RBMS3: variants seen among roughly 807,000 people sequenced by gnomAD.
The protein encoded by RBMS3 is RNA binding motif single stranded interacting protein 3, also known as RNA-binding motif, single-stranded-interacting protein 3.
In RBMS3, 27 loss-of-function variants were observed where a neutral mutation model predicts 66.8. That is an observed-to-expected ratio of 0.40 (90% CI 0.30 to 0.56). The LOEUF is 0.56. RBMS3 is among the 20% of genes least tolerant of loss of function. The pLI, the probability that RBMS3 is intolerant of heterozygous loss-of-function variation, is 0.40. For missense variants in RBMS3, 513 were observed against 549.5 expected, an observed-to-expected ratio of 0.93 and a Z score of 0.66; for synonymous variants, 188 against 183.0, an observed-to-expected ratio of 1.03 and a Z score of -0.22.
chr3:29,711,233 G>T (rs1171046384), intron 4 of RBMS3, among the ~76,000 whole-genome samples: 2 of 152,146 alleles, frequency 1.3e-5, no homozygotes, highest in Admixed American at 6.6e-5. Context: ...AGGTCTTATT[G>T]TACTGTACCT....
intron 4 of RBMS3, among the ~76,000 whole-genome samples, chr3:29,595,024 G>A (rs748809570): frequency 4.6e-5 from 7 of 152,152 alleles, no homozygotes; most frequent in Non-Finnish European, 1.0e-4. Flanking sequence ...TTGCCTCAGT[G>A]TCTTAAACTG....
chr3:29,838,082 C>T (rs2058570760), intron 6 of RBMS3, among the ~76,000 whole-genome samples: 2 of 145,918 alleles, frequency 1.4e-5, no homozygotes, highest in Admixed American at 7.2e-5. Context: ...AATCCCACTA[C>T]TTTGGGAGGC....
intron 3 of RBMS3, among the ~76,000 whole-genome samples, chr3:29,543,372 A>G (rs1576176342): frequency 6.6e-6 from 1 of 152,254 alleles, no homozygotes; most frequent in Admixed American, 6.5e-5. Context: ...AAAATCAAAT[A>G]TAATTTGACA....
At chr3:29,620,268 C>A (rs1202763805) in intron 4 of RBMS3, among the ~76,000 whole-genome samples, 1 of 151,998 alleles carries the variant, frequency 6.6e-6, no homozygotes, top group Non-Finnish European at 1.5e-5. Context: ...TTGTATGTGC[C>A]ACTTACAATT....
chr3:29,948,694 T>C (rs1462680223), intron 12 of RBMS3, among the ~76,000 whole-genome samples: 3 of 151,866 alleles, frequency 2.0e-5, no homozygotes, highest in Non-Finnish European at 4.4e-5. Flanking sequence ...ATCAGTTTCA[T>C]TTTTTGGCTC....
chr3:29,361,039 C>A (rs544987675), intron 1 of RBMS3, among the ~76,000 whole-genome samples: 24 of 152,052 alleles, frequency 1.6e-4, no homozygotes, highest in Non-Finnish European at 2.8e-4. Flanking sequence ...AGCACTTAGC[C>A]CATTTCCATT....
At chr3:29,459,144 AT>A (rs1375898163) in intron 2 of RBMS3, among the ~76,000 whole-genome samples, 1 of 152,162 alleles carries the variant, frequency 6.6e-6, no homozygotes, top group Non-Finnish European at 1.5e-5. Flanking sequence ...TTACCACCCT[AT>A]TATGTGCAAG....
chr3:29,379,202 T>C (rs929895755), intron 1 of RBMS3, among the ~76,000 whole-genome samples: 2 of 152,218 alleles, frequency 1.3e-5, no homozygotes, highest in African/African-American at 2.4e-5. Flanking sequence ...TGTTAAATGG[T>C]ATTTCTCTAA....
At chr3:29,456,992 A>AG (rs2042213093) in intron 2 of RBMS3, among the ~76,000 whole-genome samples, 1 of 152,182 alleles carries the variant, frequency 6.6e-6, no homozygotes, top group African/African-American at 2.4e-5. Context: ...TTGTATTATG[A>AG]TGGTTATGGT....
chr3:29,999,269 G>T (rs201306511), intron 14 of RBMS3, among the ~76,000 whole-genome samples: 1 of 152,188 alleles, frequency 6.6e-6, no homozygotes, highest in South Asian at 2.1e-4. Context: ...AACAACAGGT[G>T]CTGGAGAGGA....
At chr3:29,944,603 A>G (rs1161718003) in intron 12 of RBMS3, among the ~76,000 whole-genome samples, 14 of 151,712 alleles carry the variant, frequency 9.2e-5, no homozygotes, top group Non-Finnish European at 2.1e-4. Flanking sequence ...AATTTTATGT[A>G]TAGCAAAAGA....
intron 7 of RBMS3, among the ~76,000 whole-genome samples, chr3:29,883,735 T>A (rs2059790501): frequency 1.3e-5 from 2 of 152,166 alleles, no homozygotes; most frequent in East Asian, 1.9e-4. Flanking sequence ...AATACTTTTT[T>A]AAACATTTTC....
At chr3:29,844,979 T>C (rs916545680) in intron 6 of RBMS3, among the ~76,000 whole-genome samples, 9 of 152,188 alleles carry the variant, frequency 5.9e-5, no homozygotes, top group African/African-American at 2.2e-4. Context: ...ACACCATCTA[T>C]AGAAATTGCA....
intron 4 of RBMS3, among the ~76,000 whole-genome samples, chr3:29,658,509 T>A (rs933577309): frequency 2.0e-5 from 3 of 152,218 alleles, no homozygotes; most frequent in African/African-American, 7.2e-5. Context: ...AAATCTTGGA[T>A]TATCTGCTCT....
chr3:29,748,695 T>C (rs560740751), intron 5 of RBMS3, among the ~76,000 whole-genome samples: 37 of 152,222 alleles, frequency 2.4e-4, no homozygotes, highest in Middle Eastern at 6.8e-3. Context: ...GTTGGATAAA[T>C]TTTGCATACC....
At chr3:29,420,679 T>C (rs2040678817) in intron 1 of RBMS3, among the ~76,000 whole-genome samples, 1 of 151,958 alleles carries the variant, frequency 6.6e-6, no homozygotes, top group Non-Finnish European at 1.5e-5. Context: ...TTGTGAATAG[T>C]TTTCTGTTTT....
chr3:29,629,371 G>T (rs918902599), intron 4 of RBMS3, among the ~76,000 whole-genome samples: 1 of 151,976 alleles, frequency 6.6e-6, no homozygotes, highest in Non-Finnish European at 1.5e-5. Flanking sequence ...AAGGAACATT[G>T]GTGATGATAA....
chr3:29,857,945 A>C (rs1228898332), intron 6 of RBMS3, among the ~76,000 whole-genome samples: 1 of 152,208 alleles, frequency 6.6e-6, no homozygotes, highest in Non-Finnish European at 1.5e-5. Flanking sequence ...ATGCCACAAT[A>C]CTAAGCAGCA....
chr3:29,343,822 A>G (rs1280648349), intron 1 of RBMS3, among the ~76,000 whole-genome samples: 1 of 152,222 alleles, frequency 6.6e-6, no homozygotes, highest in Non-Finnish European at 1.5e-5. Context: ...CAGAATTTGA[A>G]CTAAGACCGT....
Sources: allele counts gnomAD v4.1 joint callset (sites outside exome capture counted in the v4.1 genomes callset), GRCh38; gene constraint gnomAD v4.1.1; transcripts MANE v1.5; gene names NCBI Gene and HGNC (gene_info 2026-07-23, HGNC 2026-07-21).